The following MGST1 variants were observed in gnomAD, a reference collection of about 807,000 sequenced individuals.
The protein encoded by MGST1 is microsomal glutathione S-transferase 1, also known as glutathione S-transferase 12.
MGST1 carries 5 observed loss-of-function variants against 8.9 expected under a neutral mutation model. That is an observed-to-expected ratio of 0.56 (90% CI 0.29 to 1.19). MGST1 has a LOEUF of 1.19. Among genes scored for constraint, MGST1 ranks in the 50% most tolerant of loss-of-function variants. MGST1 has a pLI of 0.08. For synonymous variants in MGST1, 54 were observed against 67.8 expected, an observed-to-expected ratio of 0.80 and a Z score of 1.00; for missense variants, 182 against 187.4, an observed-to-expected ratio of 0.97 and a Z score of 0.17.
intron 4 of MGST1, among the ~76,000 whole-genome samples, chr12:16,552,654 GA>G (rs2137256111): frequency 6.6e-6 from 1 of 152,126 alleles, no homozygotes; most frequent in Non-Finnish European, 1.5e-5. Context: ...TCTATTTGTG[GA>G]ATTTACTTTT....
At chr12:16,400,602 C>T (rs1940646546) in intron 1 of MGST1, 6 of 1,117,104 alleles carry the variant, frequency 5.4e-6, no homozygotes, top group South Asian at 3.7e-5. Flanking sequence ...CTGTCTGTTC[C>T]CCGGTCATCG....
intron 3 of MGST1, among the ~76,000 whole-genome samples, chr12:16,358,779 C>CTTTTTTTTTTTTTTTTTTTTTTT (rs35081887): frequency 1.7e-5 from 1 of 57,582 alleles, no homozygotes. Flanking sequence ...AAATTCATTC[C>CTTTTTTTTTTTTTTTTTTTTTTT]TTTTTTTTTT....
intron 2 of MGST1, among the ~76,000 whole-genome samples, chr12:16,357,027 A>G (rs1439003245): frequency 6.6e-6 from 1 of 152,082 alleles, no homozygotes; most frequent in East Asian, 1.9e-4. Context: ...CTTTCCCCAT[A>G]TTTGCTTCCT....
rs1249712175 is a variant in MGST1, at chr12:16,353,043, T to TG, written c.-22-1188_-22-1187insG. On this transcript the variant is annotated intron_variant, in intron 1 of 3. Coordinates refer to ENST00000396210, the MANE Select transcript of MGST1 (RefSeq NM_020300.5). The stretch of plus-strand genomic sequence containing the variant: ...GCTATTACTATTTCAATTTTTTTTT[T>TG]TGGAGGGGGAGACAGAGTCTCACTC... 1.8e-3 allele frequency among the ~76,000 whole-genome samples: 272 copies of TG among 152,164 alleles called. 2 individuals carry two copies. Among genetic ancestry groups the TG allele is most frequent in the African/African-American group, 6.4e-3 (267 of 41,522 alleles).
intron 4 of MGST1, among the ~76,000 whole-genome samples, chr12:16,510,565 G>C (rs1460825367): frequency 6.6e-6 from 1 of 152,082 alleles, no homozygotes; most frequent in Admixed American, 6.5e-5. Context: ...TGCAAACCTT[G>C]GTTTTCCATT....
chr12:16,465,038 T>G (rs1181701911), intron 4 of MGST1, among the ~76,000 whole-genome samples: 1 of 152,180 alleles, frequency 6.6e-6, no homozygotes, highest in Admixed American at 6.6e-5. Flanking sequence ...ACACTGCCTC[T>G]GAGAAGAGAA....
intron 4 of MGST1, among the ~76,000 whole-genome samples, chr12:16,469,967 A>G (rs997753058): frequency 6.6e-6 from 1 of 152,220 alleles, no homozygotes; most frequent in African/African-American, 2.4e-5. Flanking sequence ...ATGTTTATAT[A>G]TACGGCAAAA....
chr12:16,376,752 A>G (rs909486930), exon 4 of MGST1: 1 of 152,140 alleles, frequency 6.6e-6, no homozygotes, highest in African/African-American at 2.4e-5. Context: ...CAGATATGAT[A>G]ATGGCATTGA....
chr12:16,489,111 A>AAAATCAAT (rs1414956654), intron 4 of MGST1, among the ~76,000 whole-genome samples: 1 of 151,972 alleles, frequency 6.6e-6, no homozygotes, highest in Non-Finnish European at 1.5e-5. Flanking sequence ...TCACCATCTC[A>AAAATCAAT]AAATAAATAA....
At chr12:16,372,872 T>G (rs1037054271) in intron 3 of MGST1, among the ~76,000 whole-genome samples, 1 of 148,112 alleles carries the variant, frequency 6.8e-6, no homozygotes, top group Admixed American at 6.8e-5. Context: ...ATGTATTAGA[T>G]TATATATTAC....
chr12:16,527,278 C>A (rs1187373983), intron 4 of MGST1, among the ~76,000 whole-genome samples: 2 of 151,962 alleles, frequency 1.3e-5, no homozygotes, highest in Non-Finnish European at 2.9e-5. Context: ...TTCTAAAGCT[C>A]TGGACAATCC....
In MGST1 at chr12:16,357,439, T is replaced by A. The variant is rs533393532; in HGVS notation, c.127-166T>A. 259 of 558,704 alleles carry A rather than the reference T, an allele frequency of 4.6e-4. 1 individual carries two copies. Among genetic ancestry groups the A allele is most frequent in the South Asian group, 1.8e-3 (74 of 40,320 alleles). The allele number at this position is 558,704 out of a possible 1,614,324, so 34.6% of individuals were successfully genotyped here. On this transcript the variant is annotated intron_variant, in intron 2 of 3. Coordinates refer to ENST00000396210, the MANE Select transcript of MGST1 (RefSeq NM_020300.5). ...GCCCACTACCATGCAAAATTTTTTT[T>A]AAAAAAATTTGTAGATATGGGTACT...
At position 16,560,844 on chromosome 12, in the gene MGST1, A is replaced by G. The variant is rs1271551970; in HGVS notation, n.483-28684A>G. 7 of 368,500 alleles carry G rather than the reference A, an allele frequency of 1.9e-5. No individual in the cohort carries two copies. Among genetic ancestry groups the G allele is most frequent in the Admixed American group, 1.4e-4 (4 of 29,082 alleles). 22.8% of individuals were successfully genotyped at this position (368,500 alleles called of 1,614,324 possible). ...AATTCATAGCAAAAATCTCTGGGTT[A>G]GAGTATATAGAAAATATAAAAGCAA... On this transcript the variant is annotated intron_variant and non_coding_transcript_variant, in intron 4 of 4. Transcript: ENST00000538857. This position sits in a 1 kb window ranked among gnomAD's most constrained non-coding sequence, Gnocchi z 5.0.
intron 4 of MGST1, among the ~76,000 whole-genome samples, chr12:16,532,353 G>A (rs1157589151): frequency 1.3e-5 from 2 of 152,038 alleles, no homozygotes; most frequent in Admixed American, 1.3e-4. Context: ...CTGAGTCTCT[G>A]TCAAAGAAAT....
intron 1 of MGST1, among the ~76,000 whole-genome samples, chr12:16,428,215 A>AT (rs896304310): frequency 3.8e-4 from 57 of 148,964 alleles, no homozygotes; most frequent in African/African-American, 7.1e-4. Context: ...ACTTAAAAAT[A>AT]TTTTTTTTTT....
At chr12:16,402,173 C>G in intron 1 of MGST1, 1 of 1,570,754 alleles carries the variant, frequency 6.4e-7, no homozygotes, top group South Asian at 1.1e-5. Flanking sequence ...GTTTCAAAAA[C>G]TCCACTTTTT....
At chr12:16,553,868 A>G (rs1033250905) in intron 4 of MGST1, among the ~76,000 whole-genome samples, 10 of 138,028 alleles carry the variant, frequency 7.2e-5, no homozygotes, top group African/African-American at 2.8e-4. Context: ...CATTTGCAGG[A>G]AAAAAAAAAA....
chr12:16,461,182 A>T (rs951932427), intron 4 of MGST1, among the ~76,000 whole-genome samples: 1 of 110,266 alleles, frequency 9.1e-6, no homozygotes, highest in Non-Finnish European at 1.9e-5. Flanking sequence ...GCCCAAAGGA[A>T]AAAAAAAAAA....
chr12:16,347,375 A>G (rs1460572061), upstream of MGST1, among the ~76,000 whole-genome samples: 1 of 152,162 alleles, frequency 6.6e-6, no homozygotes, highest in Admixed American at 6.5e-5. The surrounding 1 kb of genome is among the most constrained non-coding windows in gnomAD (Gnocchi z 4.0). Flanking sequence ...TGATCCTGAA[A>G]TGTTCGAGAA....
Sources: gnomAD v4.1 joint callset for allele counts (sites outside exome capture counted in the v4.1 genomes callset) on GRCh38, gnomAD v4.1.1 for gene constraint, Gnocchi (gnomAD v3.1) non-coding constraint, MANE v1.5 for transcripts, NCBI Gene and HGNC (gene_info 2026-07-23, HGNC 2026-07-21) for gene names.